The following KAT7 variants were observed in gnomAD, a reference collection of about 807,000 sequenced individuals.
The protein encoded by KAT7 is lysine acetyltransferase 7.
In KAT7, 10 loss-of-function variants were observed where a neutral mutation model predicts 82.1. The observed-to-expected ratio is 0.12, with a 90% CI of 0.08 to 0.21. KAT7 has a LOEUF of 0.21. KAT7 is among the 10% of genes least tolerant of loss of function. The probability of loss-of-function intolerance (pLI) is 1.00; values close to 1 mark genes in which losing one functional copy is unlikely to be tolerated. For synonymous variants in KAT7, 250 were observed against 262.5 expected, an observed-to-expected ratio of 0.95 and a Z score of 0.46; for missense variants, 378 against 760.9, an observed-to-expected ratio of 0.50 and a Z score of 5.92.
At chr17:49,825,308 C>T (rs1308417414) in intron 12 of KAT7, among the ~76,000 whole-genome samples, 1 of 152,210 alleles carries the variant, frequency 6.6e-6, no homozygotes, top group Non-Finnish European at 1.5e-5. Flanking sequence ...CTGAGCTAAT[C>T]TGTTCTTACC....
chr17:49,801,277 G>A (rs765254381), intron 4 of KAT7, among the ~76,000 whole-genome samples: 5 of 152,026 alleles, frequency 3.3e-5, no homozygotes, highest in African/African-American at 9.7e-5. Context: ...TCCGCCTCCC[G>A]GGCTCAAGTG....
intron 14 of KAT7, 168 bp from the exon 15 acceptor site, chr17:49,827,233 G>T: frequency 1.7e-6 from 1 of 589,104 alleles, no homozygotes; most frequent in South Asian, 2.2e-5. Context: ...AGGAAGAATG[G>T]ATTAGATAGG....
chr17:49,804,898 C>T (rs1294760431), intron 4 of KAT7, among the ~76,000 whole-genome samples: 4 of 152,050 alleles, frequency 2.6e-5, no homozygotes, highest in Non-Finnish European at 4.4e-5. Flanking sequence ...TAGAAAAGGC[C>T]GCTTCTCCAT....
rs763730434 is a variant in KAT7, at chr17:49,821,691, G to C, written c.1287G>C (p.Leu429=). ...QNLCLLAKLF[L]DHKTLYYDVE... ...TGTGCCTGTTGGCCAAACTTTTTCT[G>C]GACCACAAGACATTATATTATGATG... is the stretch of plus-strand genomic sequence containing the variant. The change falls in exon 11 of 15, where the codon CTG becomes CTC. Residue 429 remains leucine, a synonymous_variant. Transcript: ENST00000259021. 10 of 1,613,642 alleles carry C rather than the reference G, an allele frequency of 6.2e-6. No homozygotes were observed. The South Asian group carries it at 1.1e-4, about 18-fold the overall frequency.
At chr17:49,801,772 G>A (rs1434752790) in intron 4 of KAT7, among the ~76,000 whole-genome samples, 1 of 152,206 alleles carries the variant, frequency 6.6e-6, no homozygotes, top group Non-Finnish European at 1.5e-5. Flanking sequence ...TTACAGGCGT[G>A]AGCCACTGCA....
intron 1 of KAT7, chr17:49,789,155 C>G: frequency 3.6e-6 from 1 of 275,152 alleles, no homozygotes; most frequent in Non-Finnish European, 6.9e-6. Flanking sequence ...TCAACGGTCA[C>G]CTCCCCGCGT....
rs528950580 is a variant in KAT7, at chr17:49,806,557, A to T, written c.663+1112A>T. Among the ~76,000 whole-genome samples the T allele has an allele frequency of 3.9e-5, 6 of 152,316 alleles. No homozygotes were observed. The East Asian group carries it at 9.6e-4, about 24-fold the overall frequency. On this transcript the variant is annotated intron_variant, in intron 5 of 14. Transcript: ENST00000259021. ...CCCACATCTATGTCAGAAGCAGGAA[A>T]GGCTTCAGGTACTTCTTTCTCAGAA...
At chr17:49,814,373 C>T (rs1157009335) in intron 7 of KAT7, among the ~76,000 whole-genome samples, 1 of 152,120 alleles carries the variant, frequency 6.6e-6, no homozygotes, top group African/African-American at 2.4e-5. Context: ...GTTTGCTTGC[C>T]CCAGTCTTGT....
chr17:49,809,270 T>A, intron 6 of KAT7, 62 bp downstream of exon 6: 1 of 1,189,160 alleles, frequency 8.4e-7, no homozygotes, highest in Non-Finnish European at 1.3e-6. Context: ...GGATCTCCTC[T>A]ATAATTGTCT....
At chr17:49,810,150 C>T (rs554719011) in intron 6 of KAT7, among the ~76,000 whole-genome samples, 1 of 152,292 alleles carries the variant, frequency 6.6e-6, no homozygotes, top group Non-Finnish European at 1.5e-5. Context: ...GGGGAGTCAG[C>T]TAAATTATGT....
At chr17:49,789,417 G>A (rs1299856436) in intron 1 of KAT7, 1 of 152,428 alleles carries the variant, frequency 6.6e-6, no homozygotes, top group Non-Finnish European at 1.5e-5. Context: ...TGGGAAGCCA[G>A]CGCCCACTCG....
chr17:49,833,130 G>A lies in KAT7; in HGVS notation c.*5628G>A, dbSNP rs1011973861. On this transcript the variant is annotated 3_prime_UTR_variant, in exon 15 of 15. Coordinates refer to ENST00000259021, the MANE Select transcript of KAT7 (RefSeq NM_007067.5). ...TCTTGTGCAATACCTTTAAGTCCAG[G>A]TCATGTTGTTACCATTTGGGGGTTT... 3.3e-5 allele frequency: 5 copies of A among 152,170 alleles called. No homozygotes were observed. Among genetic ancestry groups the A allele is most frequent in the African/African-American group, 1.2e-4 (5 of 41,438 alleles). The allele number at this position is 152,170 out of a possible 1,614,324, so 9.4% of individuals were successfully genotyped here.
rs2074394900 is a variant in KAT7 at position 49,828,587 on chromosome 17, G to A, written c.*1085G>A. On this transcript the variant is annotated 3_prime_UTR_variant, in exon 15 of 15. Transcript: ENST00000259021. ...CAACAGTGCCTCACCCTCCCTCTAG[G>A]ATTAAAGTGCTTCTGCCCTTCCACG... is the stretch of plus-strand genomic sequence containing the variant. 6.6e-6 allele frequency: 1 copy of A among 152,598 alleles called. No homozygotes were observed. The highest frequency in any genetic ancestry group is 1.5e-5 in the Non-Finnish European group (1 of 68,044). The allele number at this position is 152,598 out of a possible 1,614,324, so 9.5% of individuals were successfully genotyped here. A position where few individuals can be genotyped will look rare whatever the true frequency, so the allele number is the denominator to read the frequency against.
intron 6 of KAT7, among the ~76,000 whole-genome samples, chr17:49,810,948 G>A (rs543578126): frequency 5.9e-5 from 9 of 152,096 alleles, no homozygotes; most frequent in East Asian, 3.9e-4. Context: ...GCAGTGAGCC[G>A]CGATCGTGCC....
intron 9 of KAT7, among the ~76,000 whole-genome samples, chr17:49,819,118 C>G (rs1251315540): frequency 6.6e-6 from 1 of 152,036 alleles, no homozygotes; most frequent in Non-Finnish European, 1.5e-5. Flanking sequence ...TTTTATTTCC[C>G]AGGATTTCCA....
chr17:49,797,066 C>CTT (rs374837770), intron 3 of KAT7, 140 bp downstream of exon 3: 623 of 509,642 alleles, frequency 1.2e-3, no homozygotes, highest in South Asian at 1.8e-3. Context: ...TTTCTTATGT[C>CTT]TTTTTTTTTT....
In KAT7 at chr17:49,788,821, C is replaced by A; in HGVS notation, c.-14C>A. 2 of 1,582,096 alleles carry A rather than the reference C, an allele frequency of 1.3e-6. No homozygotes were observed. Among genetic ancestry groups the A allele is most frequent in the Non-Finnish European group, 1.7e-6 (2 of 1,164,158 alleles). ...GCTGCCCGAATCGGAACCGTCGGGC[C>A]GCAGCCGCCGGCAATGCCGCGAAGG... On this transcript the variant is annotated 5_prime_UTR_variant, in exon 1 of 15. Transcript: ENST00000259021.
At position 49,826,781 on chromosome 17, in the gene KAT7, C is replaced by T. The variant is rs558560788; in HGVS notation, c.1716C>T (p.His572=). The part of the protein sequence containing the change: ...LQMLKYWKGK[H]LVLKRQDLID... Reference sequence around the variant, plus strand: ...TGCTCAAATACTGGAAGGGAAAACACCTAGTTTTAAAGAGACAGGTAAGGT... The same window carrying T: ...TGCTCAAATACTGGAAGGGAAAACATCTAGTTTTAAAGAGACAGGTAAGGT... The change falls in exon 14 of 15, where the codon CAC becomes CAT. Residue 572 remains histidine, a synonymous_variant. Coordinates refer to ENST00000259021, the MANE Select transcript of KAT7 (RefSeq NM_007067.5). 5.6e-5 allele frequency: 90 copies of T among 1,609,424 alleles called. 1 individual carries two copies. In the South Asian group the frequency reaches 9.5e-4, roughly 17 times the overall value.
At chr17:49,824,696 G>T (rs1235381194) in intron 12 of KAT7, 2 of 152,156 alleles carry the variant, frequency 1.3e-5, no homozygotes, top group Non-Finnish European at 2.9e-5. Context: ...GAGAAGAGAT[G>T]AACTGGGAAG....
Sources: gnomAD v4.1 joint callset for allele counts (sites outside exome capture counted in the v4.1 genomes callset) on GRCh38, gnomAD v4.1.1 for gene constraint, MANE v1.5 for transcripts, NCBI Gene and HGNC (gene_info 2026-07-23, HGNC 2026-07-21) for gene names.